SCN1A: variants seen among roughly 807,000 people sequenced by gnomAD.
SCN1A encodes sodium channel protein type 1 subunit alpha.
Under a neutral mutation model 193.7 loss-of-function variants are expected in SCN1A, and 13 were observed. The observed-to-expected ratio is 0.07, with a 90% CI of 0.04 to 0.11. The LOEUF is 0.11. Ranked by LOEUF, SCN1A falls within the 10% of genes least tolerant of loss-of-function variation. SCN1A has a pLI of 1.00. For synonymous variants in SCN1A, 781 were observed against 843.6 expected, an observed-to-expected ratio of 0.93 and a Z score of 1.29; for missense variants, 1,432 against 2,451.1, an observed-to-expected ratio of 0.58 and a Z score of 8.78.
intron 28 of SCN1A, chr2:165,993,881 T>C: frequency 2.0e-6 from 1 of 506,654 alleles, no homozygotes; most frequent in South Asian, 3.4e-5. Context: ...ACATTTTTAT[T>C]TTAGTTAATA....
intron 2 of SCN1A, among the ~76,000 whole-genome samples, chr2:166,107,762 A>G (rs1000861769): frequency 6.6e-6 from 1 of 152,166 alleles, no homozygotes; most frequent in Non-Finnish European, 1.5e-5. Context: ...TCCACATGCA[A>G]AAGGAAGGAT....
chr2:166,045,683 C>T (rs1331430499), intron 12 of SCN1A, among the ~76,000 whole-genome samples: 1 of 151,844 alleles, frequency 6.6e-6, no homozygotes, highest in Non-Finnish European at 1.5e-5. Flanking sequence ...TTCTTTTCTC[C>T]GAAAAAGAAA....
intron 1 of SCN1A, among the ~76,000 whole-genome samples, chr2:166,135,205 A>C (rs1360536383): frequency 3.3e-5 from 5 of 152,194 alleles, no homozygotes; most frequent in African/African-American, 7.2e-5. Context: ...TTTCCACTTA[A>C]GTATATCTTT....
At chr2:166,010,867 T>G (rs1158990105) in intron 22 of SCN1A, among the ~76,000 whole-genome samples, 1 of 151,054 alleles carries the variant, frequency 6.6e-6, no homozygotes, top group African/African-American at 2.4e-5. Flanking sequence ...CTACAAAATT[T>G]TCTATAAAAT....
intron 5 of SCN1A, 73 bp downstream of exon 5, chr2:166,058,497 A>G: frequency 1.2e-6 from 1 of 852,022 alleles, no homozygotes; most frequent in Non-Finnish European, 2.0e-6. Context: ...TCCCAACTTA[A>G]TTTGATATTT....
Position 166,015,612 on chromosome 2 carries a change from G to C in SCN1A, c.3545C>G (p.Thr1182Ser). ...ATTAGGATTCTTTTCTTTACCTTCA[G>C]TGAAACAAGCTTCTGGTTCAAGAGT... ...EETLEPEACF[T>S]EGCVQRFKCC... is the part of the protein sequence containing the mutation. The change falls in exon 20 of 29, where the codon ACT becomes AGT. Residue 1182 changes from threonine (T) to serine (S), a missense_variant. Around this residue, in one of 18 missense-constraint regions of SCN1A, gnomAD observed 198 missense variants for 225.8 expected, o/e 0.88. Coordinates refer to ENST00000674923, the MANE Select transcript of SCN1A (RefSeq NM_001165963.4). The C allele has an allele frequency of 6.2e-7, 1 of 1,612,580 alleles. No homozygotes were observed. The highest frequency in any genetic ancestry group is 8.5e-7 in the Non-Finnish European group (1 of 1,178,794).
In SCN1A at chr2:165,987,619, A is replaced by G. The variant is rs188456786; in HGVS notation, c.*3626T>C. 4 of 152,268 alleles carry G rather than the reference A, an allele frequency of 2.6e-5. No homozygotes were observed. The highest frequency in any genetic ancestry group is 1.3e-4 in the Admixed American group (2 of 15,288). 9.4% of individuals were successfully genotyped at this position (152,268 alleles called of 1,614,324 possible). A position where few individuals can be genotyped will look rare whatever the true frequency, so the allele number is the denominator to read the frequency against. On this transcript the variant is annotated 3_prime_UTR_variant, in exon 29 of 29. Coordinates refer to ENST00000674923, the MANE Select transcript of SCN1A (RefSeq NM_001165963.4). ...ATTCAATGAATTATAATCTTTTACT[A>G]TCATTTATTTTGATGCTCAACTTGC...
rs766856630 is a variant in SCN1A, at chr2:165,987,917, T to C, written c.*3328A>G. On this transcript the variant is annotated 3_prime_UTR_variant, in exon 29 of 29. Coordinates refer to ENST00000674923, the MANE Select transcript of SCN1A (RefSeq NM_001165963.4). Reference sequence around the variant, plus strand: ...CCTACCTTAGTTGGAAATGGGAATTTTTTTCAGCTACTAATATATCAGAAT... The same window carrying C: ...CCTACCTTAGTTGGAAATGGGAATTCTTTTCAGCTACTAATATATCAGAAT... 8 of 152,126 alleles carry C rather than the reference T, an allele frequency of 5.3e-5. No homozygotes were observed. Among genetic ancestry groups the C allele is most frequent in the Non-Finnish European group, 1.0e-4 (7 of 68,030 alleles). 9.4% of individuals were successfully genotyped at this position (152,126 alleles called of 1,614,324 possible).
At chr2:166,142,780 G>T (rs950819511) in intron 1 of SCN1A, among the ~76,000 whole-genome samples, 3 of 152,140 alleles carry the variant, frequency 2.0e-5, no homozygotes, top group African/African-American at 7.2e-5. Context: ...ATGTGTCAAG[G>T]GTGAGGCCAG....
chr2:166,083,758 A>G (rs1173674907), intron 2 of SCN1A, among the ~76,000 whole-genome samples: 1 of 152,196 alleles, frequency 6.6e-6, no homozygotes. Context: ...TCTCTTCTAG[A>G]CGATCATAGT....
At chr2:166,044,234 G>T (rs1697525680) in intron 13 of SCN1A, among the ~76,000 whole-genome samples, 185 bp from the exon 14 acceptor site, 1 of 152,030 alleles carries the variant, frequency 6.6e-6, no homozygotes, top group African/African-American at 2.4e-5. Flanking sequence ...ATAAAAGAAA[G>T]TTTCTAGCCC....
chr2:166,034,382 T>A (rs111548234), intron 19 of SCN1A, among the ~76,000 whole-genome samples: 2,893 of 152,292 alleles, frequency 0.019, 103 homozygotes, highest in African/African-American at 0.067. Flanking sequence ...ATCAAAAGAA[T>A]GTCACATACC....
intron 2 of SCN1A, among the ~76,000 whole-genome samples, chr2:166,120,594 CTCTTTT>C: frequency 9.8e-6 from 1 of 101,760 alleles, no homozygotes; most frequent in South Asian, 3.4e-4. Context: ...TTTTTCTTTT[CTCTTTT>C]TTTTTTTTTT....
chr2:166,056,632 T>G, intron 5 of SCN1A, 132 bp from the exon 6 acceptor site: 1 of 682,182 alleles, frequency 1.5e-6, no homozygotes, highest in South Asian at 1.7e-5. Context: ...GCAAGTCTTC[T>G]AATCTCCTTA....
chr2:166,107,488 C>T (rs1410691096), intron 2 of SCN1A, among the ~76,000 whole-genome samples: 3 of 152,072 alleles, frequency 2.0e-5, no homozygotes, highest in Non-Finnish European at 4.4e-5. Context: ...AGTTAAAATA[C>T]AGAATATGTT....
rs1234244939 is a variant in SCN1A, at chr2:165,988,746, C to A, written c.*2499G>T. ...TGGGACACACAGAATGATGCAGAAG[C>A]AGAGAGAGTGGCTCTGGAGGAGCAA... On this transcript the variant is annotated 3_prime_UTR_variant, in exon 29 of 29. Transcript: ENST00000674923. 6.6e-6 allele frequency: 1 copy of A among 152,152 alleles called. No homozygotes were observed. Among genetic ancestry groups the A allele is most frequent in the Non-Finnish European group, 1.5e-5 (1 of 68,058 alleles). The allele number at this position is 152,152 out of a possible 1,614,324, so 9.4% of individuals were successfully genotyped here.
At chr2:166,053,223 G>T in intron 7 of SCN1A, 1 of 638,154 alleles carries the variant, frequency 1.6e-6, no homozygotes, top group Non-Finnish European at 2.8e-6. Context: ...GATTTTAAAT[G>T]ATAAATATTA....
chr2:166,009,854 A>G lies in SCN1A; in HGVS notation c.3880-13T>C. ...TGACCAATGAAACCTGCACACACAA[A>G]AATAATAACAATTAATAAACAGAAT... On this transcript the variant is annotated splice_polypyrimidine_tract_variant and intron_variant, in intron 22 of 28. Transcript: ENST00000674923. 1 of 1,603,898 alleles carries G rather than the reference A, an allele frequency of 6.2e-7. No homozygotes were observed. The highest frequency in any genetic ancestry group is 8.5e-7 in the Non-Finnish European group (1 of 1,172,684).
intron 23 of SCN1A, among the ~76,000 whole-genome samples, chr2:166,006,872 G>A (rs1348031180): frequency 6.6e-6 from 1 of 150,872 alleles, no homozygotes; most frequent in African/African-American, 2.4e-5. Context: ...AGTATCATGA[G>A]CTTAACAAGT....
Sources: gnomAD v4.1 joint callset for allele counts (sites outside exome capture counted in the v4.1 genomes callset) on GRCh38, gnomAD v4.1.1 for gene constraint, gnomAD v4.1.1 regional missense constraint, MANE v1.5 for transcripts, NCBI Gene and HGNC (gene_info 2026-07-23, HGNC 2026-07-21) for gene names.